MYO5A: variants seen among roughly 807,000 people sequenced by gnomAD.
The protein encoded by MYO5A is unconventional myosin-Va.
A neutral mutation model predicts 249.7 loss-of-function variants in MYO5A; 98 were observed. The observed-to-expected ratio is 0.39, with a 90% CI of 0.33 to 0.46. The LOEUF (loss-of-function observed/expected upper bound fraction) is 0.46, where lower values mean the gene tolerates loss of function less well. MYO5A is among the 20% of genes least tolerant of loss of function. The probability of loss-of-function intolerance (pLI) is 0.98; values close to 1 mark genes in which losing one functional copy is unlikely to be tolerated. For missense variants in MYO5A, 1,696 were observed against 2,308.8 expected (o/e 0.73, Z 5.44); for synonymous variants, 778 against 810.6 (o/e 0.96, Z 0.68).
intron 1 of MYO5A, among the ~76,000 whole-genome samples, chr15:52,498,884 C>A (rs1478851778): frequency 6.6e-6 from 1 of 152,174 alleles, no homozygotes; most frequent in Non-Finnish European, 1.5e-5. Context: ...CCCATATTAA[C>A]CCCTAATGGA....
At chr15:52,524,420 A>G (rs924978585) in intron 1 of MYO5A, among the ~76,000 whole-genome samples, 5 of 151,724 alleles carry the variant, frequency 3.3e-5, no homozygotes, top group African/African-American at 1.2e-4. Context: ...TGGGTTTGGT[A>G]GCACATGCCT....
chr15:52,367,728 G>GT (rs1320628781), intron 22 of MYO5A, among the ~76,000 whole-genome samples: 1 of 152,082 alleles, frequency 6.6e-6, no homozygotes, highest in East Asian at 1.9e-4. Flanking sequence ...CCCTTTAAGA[G>GT]TTTTACAAGG....
chr15:52,521,035 C>T (rs1372718873), intron 1 of MYO5A, among the ~76,000 whole-genome samples: 4 of 152,112 alleles, frequency 2.6e-5, no homozygotes, highest in Non-Finnish European at 1.5e-5. Context: ...CGAGACCCGC[C>T]TGGCCAGTAC....
At chr15:52,387,515 T>C (rs1444210666) in intron 14 of MYO5A, among the ~76,000 whole-genome samples, 5 of 152,146 alleles carry the variant, frequency 3.3e-5, no homozygotes, top group Admixed American at 6.6e-5. Context: ...GAAAGAAACA[T>C]TGCACAGGAG....
intron 1 of MYO5A, among the ~76,000 whole-genome samples, chr15:52,493,649 G>A (rs899741914): frequency 5.9e-5 from 9 of 151,654 alleles, no homozygotes; most frequent in Non-Finnish European, 8.8e-5. Context: ...GCGATAGAGC[G>A]AGACTCAGTC....
At chr15:52,491,052 T>G (rs1269415691) in intron 1 of MYO5A, among the ~76,000 whole-genome samples, 1 of 152,202 alleles carries the variant, frequency 6.6e-6, no homozygotes, top group Non-Finnish European at 1.5e-5. Flanking sequence ...TACTTAACAT[T>G]ACTGACCTGT....
chr15:52,389,661 A>C (rs191610507), intron 12 of MYO5A, among the ~76,000 whole-genome samples: 1 of 152,278 alleles, frequency 6.6e-6, no homozygotes, highest in East Asian at 1.9e-4. Context: ...TTTTTTAAAA[A>C]ACAAAAGCTG....
chr15:52,473,708 T>A lies in MYO5A; in HGVS notation c.28-40423A>T, dbSNP rs150476640. 3.5e-3 allele frequency among the ~76,000 whole-genome samples: 537 copies of A among 152,088 alleles called. 6 individuals carry two copies. The highest frequency in any genetic ancestry group is 2.5e-3 in the Non-Finnish European group (173 of 67,912). ...TTGTCAAAGATCAGATAGTTGTAGA[T>A]GTGTATTATTTCTGAGGGCTCTATT... On this transcript the variant is annotated intron_variant, in intron 1 of 41. Coordinates refer to ENST00000399233, the MANE Select transcript of MYO5A (RefSeq NM_001382347.1).
chr15:52,434,626 A>C (rs2075622024), intron 1 of MYO5A, among the ~76,000 whole-genome samples: 1 of 152,224 alleles, frequency 6.6e-6, no homozygotes, highest in Admixed American at 6.5e-5. Flanking sequence ...ATAAGCCAGA[A>C]GATTATGTGG....
At chr15:52,445,686 A>G (rs1044778448) in intron 1 of MYO5A, among the ~76,000 whole-genome samples, 1 of 152,234 alleles carries the variant, frequency 6.6e-6, no homozygotes, top group Non-Finnish European at 1.5e-5. Context: ...GGCCAGGCTG[A>G]GAAGGTCTCA....
rs141524785 is a variant in MYO5A at position 52,426,737 on chromosome 15, G to A, written c.311-763C>T. 4.5e-4 allele frequency among the ~76,000 whole-genome samples: 68 copies of A among 152,334 alleles called. 1 individual carries two copies. In the East Asian group the frequency reaches 7.1e-3, roughly 16 times the overall value. On this transcript the variant is annotated intron_variant, in intron 3 of 41. Coordinates refer to ENST00000399233, the MANE Select transcript of MYO5A (RefSeq NM_001382347.1). ...AGCCTCCCAAGGTGCTGGGATTACA[G>A]GGTAAGCCACAGCACAGGTGAGTTA...
intron 4 of MYO5A, 61 bp from the exon 5 acceptor site, chr15:52,416,362 G>A (rs947946775): frequency 1.6e-5 from 24 of 1,539,160 alleles, no homozygotes; most frequent in African/African-American, 4.1e-5. Flanking sequence ...GGATTGATAA[G>A]GGAAACTATG....
intron 1 of MYO5A, among the ~76,000 whole-genome samples, chr15:52,511,673 G>A (rs2077392399): frequency 6.6e-6 from 1 of 152,126 alleles, no homozygotes; most frequent in South Asian, 2.1e-4. Context: ...ACCCTCTCAG[G>A]TTGGAGCTAA....
chr15:52,323,578 G>T, intron 36 of MYO5A, 134 bp from the exon 37 acceptor site: 1 of 683,048 alleles, frequency 1.5e-6, no homozygotes, highest in Non-Finnish European at 2.6e-6. Context: ...TCACATTACA[G>T]TTGTGAAGTC....
rs144133906 is a variant in MYO5A at position 52,378,014 on chromosome 15, A to G, written c.2209-1456T>C. On this transcript the variant is annotated intron_variant, in intron 18 of 41. Coordinates refer to ENST00000399233, the MANE Select transcript of MYO5A (RefSeq NM_001382347.1). ...TCTACAATTATTTCAATTTAAATCA[A>G]TAAAGTTTACATTGGAAACCTAGCT... Among the ~76,000 whole-genome samples, 960 of 152,318 alleles carry G rather than the reference A, an allele frequency of 6.3e-3. 6 individuals carry two copies. Among genetic ancestry groups the G allele is most frequent in the Admixed American group, 0.013 (200 of 15,302 alleles).
chr15:52,436,708 T>G (rs1390363608), intron 1 of MYO5A, among the ~76,000 whole-genome samples: 2 of 152,246 alleles, frequency 1.3e-5, no homozygotes, highest in Non-Finnish European at 2.9e-5. Context: ...ACAGAGCTGG[T>G]GCTTAGTAAG....
At chr15:52,452,365 G>T (rs2076036716) in intron 1 of MYO5A, among the ~76,000 whole-genome samples, 1 of 152,158 alleles carries the variant, frequency 6.6e-6, no homozygotes, top group Non-Finnish European at 1.5e-5. Context: ...GAAAAAGTGA[G>T]ATCAAGGTAC....
At position 52,364,562 on chromosome 15, in the gene MYO5A, G is replaced by C; in HGVS notation, c.3301C>G (p.Leu1101Val). Residue 1101 changes from leucine (L) to valine (V), a missense_variant, in exon 24 of 42, where the codon CTT becomes GTT. Coordinates refer to ENST00000399233, the MANE Select transcript of MYO5A (RefSeq NM_001382347.1). ...RYDDLKEEMT[L>V]MVHVPKPGHK... ...AAAAGTGTTTGACTCACCACCATAA[G>C]GGTCATCTCTTCCTTGAGGTCATCA... 1 of 1,613,118 alleles carries C rather than the reference G, an allele frequency of 6.2e-7. No individual in the cohort carries two copies. Among genetic ancestry groups the C allele is most frequent in the Non-Finnish European group, 8.5e-7 (1 of 1,179,760 alleles).
At chr15:52,344,043 G>C (rs1415270318) in intron 30 of MYO5A, among the ~76,000 whole-genome samples, 1 of 152,106 alleles carries the variant, frequency 6.6e-6, no homozygotes, top group Non-Finnish European at 1.5e-5. Context: ...ACCCATAGAG[G>C]TTACACAGCT....
Sources: allele counts gnomAD v4.1 joint callset (sites outside exome capture counted in the v4.1 genomes callset), GRCh38; gene constraint gnomAD v4.1.1; transcripts MANE v1.5; gene names NCBI Gene and HGNC (gene_info 2026-07-23, HGNC 2026-07-21).